The following LOC400499 variants were observed in gnomAD, a reference collection of about 807,000 sequenced individuals.
the LOC400499 span, among the ~76,000 whole-genome samples, chr16:11,513,774 G>A: frequency 1.6e-4 from 25 of 152,080 alleles, no homozygotes; most frequent in South Asian, 4.8e-3. Flanking sequence ...TCCTAATGGG[G>A]TTTTGATGAG....
chr16:11,427,373 A>T, the LOC400499 span, among the ~76,000 whole-genome samples: 2 of 149,506 alleles, frequency 1.3e-5, no homozygotes, highest in Non-Finnish European at 3.0e-5. Context: ...AAAAAAAAAA[A>T]AAAAAGTGCT....
chr16:11,505,445 C>CTTTT, the LOC400499 span, among the ~76,000 whole-genome samples: 9 of 71,976 alleles, frequency 1.3e-4, no homozygotes, highest in African/African-American at 2.3e-4. Context: ...TTTTTCTTTT[C>CTTTT]TTTTTTTTTT....
the LOC400499 span, among the ~76,000 whole-genome samples, chr16:11,425,981 T>C: frequency 6.6e-6 from 1 of 152,036 alleles, no homozygotes; most frequent in South Asian, 2.1e-4. Flanking sequence ...CAATTACATA[T>C]AGAAGGAAAG....
chr16:11,385,000 G>C, the LOC400499 span: 1 of 1,232,128 alleles, frequency 8.1e-7, no homozygotes, highest in Admixed American at 4.2e-5. Context: ...TCCTTGTCGT[G>C]GCAGGATGCA....
At chr16:11,518,683 G>A in the LOC400499 span, among the ~76,000 whole-genome samples, 9 of 152,116 alleles carry the variant, frequency 5.9e-5, no homozygotes, top group African/African-American at 1.9e-4. Flanking sequence ...GCCCCCCAGC[G>A]GTCTTCATCG....
chr16:11,456,843 C>T, the LOC400499 span: 1 of 1,536,280 alleles, frequency 6.5e-7, no homozygotes. Context: ...AAGGAGGCCC[C>T]ACAGCCAACA....
chr16:11,384,431 C>T, the LOC400499 span: 1 of 537,648 alleles, frequency 1.9e-6, no homozygotes, highest in Non-Finnish European at 2.8e-6. Flanking sequence ...CTGAAGCACA[C>T]AGAGGAGCAG....
chr16:11,506,530 C>T, the LOC400499 span, among the ~76,000 whole-genome samples: 1 of 152,188 alleles, frequency 6.6e-6, no homozygotes, highest in African/African-American at 2.4e-5. Flanking sequence ...AAGCCATGCC[C>T]TCTCCCAGGC....
chr16:11,473,709 C>T, the LOC400499 span, among the ~76,000 whole-genome samples: 51,115 of 150,746 alleles, frequency 0.34, 9,491 homozygotes, highest in African/African-American at 0.46. Context: ...GAGCCGAGAC[C>T]GCACCATTGC....
chr16:11,415,376 A>G, the LOC400499 span, among the ~76,000 whole-genome samples: 5 of 152,300 alleles, frequency 3.3e-5, no homozygotes, highest in Admixed American at 3.3e-4. Context: ...GCCAGGCTCC[A>G]GCACCTCCCA....
the LOC400499 span, among the ~76,000 whole-genome samples, chr16:11,458,559 G>A: frequency 6.6e-6 from 1 of 151,836 alleles, no homozygotes; most frequent in Non-Finnish European, 1.5e-5. Flanking sequence ...GTTAGCTAGA[G>A]TAGTCAAAAA....
chr16:11,373,290 C>G, the LOC400499 span, among the ~76,000 whole-genome samples: 1 of 152,172 alleles, frequency 6.6e-6, no homozygotes, highest in East Asian at 1.9e-4. Context: ...CTCAGAGCTA[C>G]CAGGCAAAGG....
the LOC400499 span, among the ~76,000 whole-genome samples, chr16:11,455,900 A>AT: frequency 4.6e-5 from 7 of 152,094 alleles, no homozygotes; most frequent in African/African-American, 1.7e-4. Context: ...AGGTCTACAC[A>AT]AGAGCAGAGA....
chr16:11,384,129 C>G, the LOC400499 span: 5 of 1,217,408 alleles, frequency 4.1e-6, no homozygotes, highest in African/African-American at 7.8e-5. Context: ...GCAGAGCCAT[C>G]AGGCCGCCTG....
chr16:11,493,222 A>T, the LOC400499 span, among the ~76,000 whole-genome samples: 1 of 151,966 alleles, frequency 6.6e-6, no homozygotes, highest in Non-Finnish European at 1.5e-5. Context: ...GGGACAGAGA[A>T]CTCTTTTAGA....
the LOC400499 span, among the ~76,000 whole-genome samples, chr16:11,374,730 T>C: frequency 2.0e-5 from 3 of 152,212 alleles, no homozygotes; most frequent in African/African-American, 7.2e-5. Context: ...AGTGGACACT[T>C]GGGTTGCTGC....
the LOC400499 span, among the ~76,000 whole-genome samples, chr16:11,500,200 C>T: frequency 1.1e-4 from 16 of 152,278 alleles, no homozygotes; most frequent in African/African-American, 3.6e-4. Flanking sequence ...GTACCACTGC[C>T]ATCCTCCTTA....
the LOC400499 span, among the ~76,000 whole-genome samples, chr16:11,427,323 G>C: frequency 7.3e-6 from 1 of 136,704 alleles, no homozygotes; most frequent in Non-Finnish European, 1.5e-5. Flanking sequence ...ACTCCAGCCT[G>C]GGCAACAAGA....
chr16:11,380,476 A>G, the LOC400499 span, among the ~76,000 whole-genome samples: 3 of 152,224 alleles, frequency 2.0e-5, no homozygotes, highest in African/African-American at 7.2e-5. Context: ...GCTACTCGGG[A>G]GGCTGCACCA....
Sources: gnomAD v4.1 joint callset for allele counts (sites outside exome capture counted in the v4.1 genomes callset) on GRCh38, gnomAD v4.1.1 for gene constraint, MANE v1.5 for transcripts.